Variants in RAP1GDS1 observed in about 807,000 individuals in gnomAD.
RAP1GDS1 encodes RAP1, GTP-GDP dissociation stimulator 1.
RAP1GDS1 carries 35 observed loss-of-function variants against 71.1 expected under a neutral mutation model. That is an observed-to-expected ratio of 0.49 (90% CI 0.38 to 0.65). The LOEUF is 0.65. RAP1GDS1 is among the 30% of genes least tolerant of loss of function. The pLI, the probability that RAP1GDS1 is intolerant of heterozygous loss-of-function variation, is 0.00. For missense variants in RAP1GDS1, 663 were observed against 706.1 expected (o/e 0.94, Z 0.69); for synonymous variants, 229 against 243.1 (o/e 0.94, Z 0.54).
At chr4:98,437,350 C>A (rs1751277292) in intron 14 of RAP1GDS1, among the ~76,000 whole-genome samples, 1 of 152,146 alleles carries the variant, frequency 6.6e-6, no homozygotes, top group Admixed American at 6.5e-5. Flanking sequence ...TGAAGACATT[C>A]CCAAAAGATT....
intron 9 of RAP1GDS1, among the ~76,000 whole-genome samples, chr4:98,418,107 ATAT>A (rs1433613895): frequency 1.3e-5 from 2 of 152,128 alleles, no homozygotes; most frequent in East Asian, 3.9e-4. Flanking sequence ...CTGTTGGTAT[ATAT>A]TATATCATAA....
At chr4:98,430,641 A>G (rs1448864971) in intron 12 of RAP1GDS1, among the ~76,000 whole-genome samples, 1 of 152,208 alleles carries the variant, frequency 6.6e-6, no homozygotes, top group Non-Finnish European at 1.5e-5. Context: ...TGATTGCCAA[A>G]CTGTTTGACC....
chr4:98,418,362 AAATATTG>A (rs1748313491), intron 9 of RAP1GDS1, among the ~76,000 whole-genome samples: 1 of 152,238 alleles, frequency 6.6e-6, no homozygotes, highest in Non-Finnish European at 1.5e-5. Flanking sequence ...AATAAATGAA[AAATATTG>A]GACATTCTAA....
intron 7 of RAP1GDS1, among the ~76,000 whole-genome samples, chr4:98,412,265 C>T (rs1747182088): frequency 2.0e-5 from 3 of 152,090 alleles, no homozygotes; most frequent in Admixed American, 2.0e-4. Context: ...GTAATCCTAG[C>T]ACTTTGGGAG....
intron 7 of RAP1GDS1, among the ~76,000 whole-genome samples, chr4:98,413,026 G>A (rs745989308): frequency 5.9e-5 from 9 of 152,040 alleles, no homozygotes; most frequent in East Asian, 1.9e-4. Flanking sequence ...AGAAAACAGC[G>A]TTCGAGAGCA....
intron 6 of RAP1GDS1, among the ~76,000 whole-genome samples, chr4:98,398,543 A>C (rs1389520667): frequency 2.0e-5 from 3 of 152,192 alleles, no homozygotes; most frequent in Non-Finnish European, 4.4e-5. Context: ...CAACATTGGC[A>C]GCCAGAAGAA....
chr4:98,370,176 G>GTA (rs1341086493), intron 4 of RAP1GDS1, among the ~76,000 whole-genome samples: 9 of 152,238 alleles, frequency 5.9e-5, no homozygotes, highest in African/African-American at 2.2e-4. Flanking sequence ...ATGAAACATA[G>GTA]TGAGCATTCA....
At chr4:98,417,324 G>C in intron 8 of RAP1GDS1, 43 bp from the exon 9 acceptor site, 1 of 1,574,472 alleles carries the variant, frequency 6.4e-7, no homozygotes, top group Non-Finnish European at 8.7e-7. Context: ...GTTACTCCTA[G>C]TTATTTTTCT....
intron 7 of RAP1GDS1, among the ~76,000 whole-genome samples, chr4:98,410,748 T>C (rs1462449340): frequency 6.6e-6 from 1 of 152,068 alleles, no homozygotes; most frequent in Non-Finnish European, 1.5e-5. Flanking sequence ...CACTGAAAAA[T>C]ACATATTGTA....
chr4:98,366,700 G>A (rs1739547621), intron 4 of RAP1GDS1, among the ~76,000 whole-genome samples: 1 of 152,168 alleles, frequency 6.6e-6, no homozygotes, highest in Admixed American at 6.5e-5. Context: ...GGAAACTGGA[G>A]CAAAGGTGAT....
rs143641544 is a variant in RAP1GDS1 at position 98,263,975 on chromosome 4, T to C, written c.4+2406T>C. Among the ~76,000 whole-genome samples the C allele has an allele frequency of 1.0e-3, 154 of 152,342 alleles. 1 individual carries two copies. The highest frequency in any genetic ancestry group is 3.6e-3 in the African/African-American group (150 of 41,566). ...CATATGATAATTTAAAATTGAAACC[T>C]TGGGGAACAGTTTTATATCTGGGCC... On this transcript the variant is annotated intron_variant, in intron 1 of 14. Transcript: ENST00000408927.
intron 2 of RAP1GDS1, among the ~76,000 whole-genome samples, chr4:98,336,715 C>T (rs1734760979): frequency 6.6e-6 from 1 of 151,988 alleles, no homozygotes; most frequent in African/African-American, 2.4e-5. Flanking sequence ...ACTTTCTTGT[C>T]GTCAGTGAAA....
At chr4:98,276,083 C>G (rs964206622) in intron 1 of RAP1GDS1, among the ~76,000 whole-genome samples, 1 of 152,024 alleles carries the variant, frequency 6.6e-6, no homozygotes, top group African/African-American at 2.4e-5. Context: ...AGTTCAAGAT[C>G]AAGGTGCTGG....
chr4:98,286,562 C>T (rs1726050372), intron 1 of RAP1GDS1, among the ~76,000 whole-genome samples: 1 of 152,064 alleles, frequency 6.6e-6, no homozygotes, highest in Non-Finnish European at 1.5e-5. Flanking sequence ...GTTTCTATTT[C>T]AGACTAAAAT....
At chr4:98,394,968 C>T (rs1052294069) in intron 6 of RAP1GDS1, among the ~76,000 whole-genome samples, 1 of 152,052 alleles carries the variant, frequency 6.6e-6, no homozygotes. Flanking sequence ...CTAAACAATA[C>T]TTATTATCCT....
At chr4:98,398,486 A>T (rs2110141206) in intron 6 of RAP1GDS1, among the ~76,000 whole-genome samples, 1 of 152,340 alleles carries the variant, frequency 6.6e-6, no homozygotes, top group Admixed American at 6.5e-5. Flanking sequence ...TGGGGGAAGT[A>T]AAGTTGAATA....
At chr4:98,351,606 G>A (rs1474598147) in intron 3 of RAP1GDS1, among the ~76,000 whole-genome samples, 1 of 151,694 alleles carries the variant, frequency 6.6e-6, no homozygotes, top group Non-Finnish European at 1.5e-5. Context: ...GGTGAGTTGT[G>A]ATGTCCAAAA....
At chr4:98,423,493 A>G (rs1749167043) in intron 12 of RAP1GDS1, among the ~76,000 whole-genome samples, 1 of 152,116 alleles carries the variant, frequency 6.6e-6, no homozygotes, top group East Asian at 1.9e-4. Context: ...TTAAGCAGCA[A>G]GTTGCCATTA....
chr4:98,319,201 T>C (rs1731403806), intron 2 of RAP1GDS1, among the ~76,000 whole-genome samples: 1 of 152,210 alleles, frequency 6.6e-6, no homozygotes, highest in Non-Finnish European at 1.5e-5. Context: ...CTTAGCATGT[T>C]CTAGGCACTT....
Sources: allele counts gnomAD v4.1 joint callset (sites outside exome capture counted in the v4.1 genomes callset), GRCh38; gene constraint gnomAD v4.1.1; transcripts MANE v1.5; gene names NCBI Gene and HGNC (gene_info 2026-07-23, HGNC 2026-07-21).